NALCN: variants seen among roughly 807,000 people sequenced by gnomAD.
NALCN encodes sodium leak channel, non-selective.
A neutral mutation model predicts 225.3 loss-of-function variants in NALCN; 111 were observed. The ratio of observed to expected loss-of-function variants is 0.49; its 90% CI spans 0.42 to 0.58. The LOEUF is 0.58. Among genes scored for constraint, NALCN ranks in the 20% least tolerant of loss-of-function variants. The pLI is 0.00. For synonymous variants in NALCN, 764 were observed against 769.0 expected (o/e 0.99, Z 0.11); for missense variants, 1,378 against 2,202.4 (o/e 0.63, Z 7.49).
chr13:101,095,471 C>T (rs1594192814), intron 28 of NALCN, 103 bp downstream of exon 28: 1 of 877,276 alleles, frequency 1.1e-6, no homozygotes, highest in Non-Finnish European at 1.7e-6. Flanking sequence ...ATTTTAACAT[C>T]TCTAGCAAAA....
At chr13:101,141,394 G>T (rs2139779214) in intron 17 of NALCN, among the ~76,000 whole-genome samples, 1 of 152,182 alleles carries the variant, frequency 6.6e-6, no homozygotes, top group Non-Finnish European at 1.5e-5. Flanking sequence ...AATGACATTG[G>T]CATCAGACTT....
intron 28 of NALCN, among the ~76,000 whole-genome samples, chr13:101,090,180 T>C (rs2034154629): frequency 6.6e-6 from 1 of 152,198 alleles, no homozygotes; most frequent in African/African-American, 2.4e-5. Context: ...ATTCGTTTGC[T>C]AAATCATAAC....
chr13:101,184,213 C>T (rs1237961261), intron 14 of NALCN, among the ~76,000 whole-genome samples: 2 of 152,170 alleles, frequency 1.3e-5, no homozygotes, highest in Non-Finnish European at 2.9e-5. Flanking sequence ...ACAATGCATT[C>T]AGTGTGGAAA....
At chr13:101,134,184 AC>A (rs773227717) in intron 17 of NALCN, among the ~76,000 whole-genome samples, 3 of 151,470 alleles carry the variant, frequency 2.0e-5, no homozygotes, top group Non-Finnish European at 3.0e-5. Context: ...AAACAAACAA[AC>A]AAAAAAAAAG....
At chr13:101,411,383 G>A (rs571273852) in intron 1 of NALCN, among the ~76,000 whole-genome samples, 95 of 142,836 alleles carry the variant, frequency 6.7e-4, no homozygotes, top group South Asian at 4.0e-3. Context: ...TTGCCCTGTC[G>A]CCCAGGCTGG....
chr13:101,407,092 CCCAAAAT>C (rs2139540220), intron 1 of NALCN, among the ~76,000 whole-genome samples: 1 of 152,272 alleles, frequency 6.6e-6, no homozygotes, highest in East Asian at 1.9e-4. Flanking sequence ...TTCTGTCATA[CCCAAAAT>C]CCAAAGCCCA....
intron 42 of NALCN, chr13:101,058,428 A>T: frequency 1.9e-5 from 3 of 159,560 alleles, no homozygotes; most frequent in South Asian, 3.2e-4. Context: ...GGGCGGGGGC[A>T]GTCTACTGTC....
At chr13:101,093,767 T>C (rs183228331) in intron 28 of NALCN, among the ~76,000 whole-genome samples, 22 of 152,310 alleles carry the variant, frequency 1.4e-4, no homozygotes, top group African/African-American at 3.6e-4. Context: ...CCAGAGCTTT[T>C]TGGTTATTTT....
intron 12 of NALCN, among the ~76,000 whole-genome samples, chr13:101,233,734 CT>C (rs1172163333): frequency 2.6e-5 from 4 of 152,104 alleles, no homozygotes; most frequent in African/African-American, 9.7e-5. Flanking sequence ...CAGTCCTTAT[CT>C]TAGGGCTTGT....
intron 6 of NALCN, among the ~76,000 whole-genome samples, chr13:101,366,310 CA>C (rs759465863): frequency 2.0e-5 from 3 of 152,104 alleles, no homozygotes; most frequent in East Asian, 1.9e-4. Flanking sequence ...AACTAAGTTC[CA>C]TTTAAAAGCA....
chr13:101,401,378 A>T (rs2047474426), intron 1 of NALCN, among the ~76,000 whole-genome samples: 1 of 152,030 alleles, frequency 6.6e-6, no homozygotes, highest in Non-Finnish European at 1.5e-5. Context: ...TCTCCTATCC[A>T]CCCAAATACT....
intron 10 of NALCN, among the ~76,000 whole-genome samples, chr13:101,269,159 C>T (rs922506030): frequency 6.6e-5 from 10 of 150,980 alleles, no homozygotes; most frequent in Non-Finnish European, 1.2e-4. Flanking sequence ...TTAGTTATTC[C>T]GCAACACTTT....
At chr13:101,225,229 A>G (rs906034550) in intron 13 of NALCN, among the ~76,000 whole-genome samples, 3 of 152,180 alleles carry the variant, frequency 2.0e-5, no homozygotes, top group African/African-American at 7.2e-5. Flanking sequence ...TAATTTGCTT[A>G]TCTTCTTTCC....
chr13:101,300,362 CTTT>C (rs2139090528), intron 7 of NALCN, among the ~76,000 whole-genome samples: 1 of 63,206 alleles, frequency 1.6e-5, no homozygotes, highest in Admixed American at 1.8e-4. Context: ...TTCTTTCTTT[CTTT>C]CTTTCCTTCC....
intron 15 of NALCN, among the ~76,000 whole-genome samples, chr13:101,153,644 G>T (rs1209470910): frequency 6.6e-6 from 1 of 152,090 alleles, no homozygotes; most frequent in Non-Finnish European, 1.5e-5. Flanking sequence ...CCCTGCCTCA[G>T]TGGGGCTGCT....
At chr13:101,139,551 C>T (rs1169389437) in intron 17 of NALCN, among the ~76,000 whole-genome samples, 2 of 151,698 alleles carry the variant, frequency 1.3e-5, no homozygotes, top group African/African-American at 4.8e-5. Flanking sequence ...TCTTTCATAC[C>T]AGTCACTGAG....
chr13:101,248,776 T>C (rs1203803270), intron 11 of NALCN, among the ~76,000 whole-genome samples: 4 of 152,326 alleles, frequency 2.6e-5, no homozygotes, highest in African/African-American at 9.6e-5. Flanking sequence ...TGGCTCTGAT[T>C]TGCAACCTTT....
chr13:101,394,453 A>G (rs762717567), intron 3 of NALCN, among the ~76,000 whole-genome samples: 9 of 152,190 alleles, frequency 5.9e-5, no homozygotes, highest in Non-Finnish European at 1.0e-4. Context: ...TCATTTGTCA[A>G]ACTCTAAAAT....
chr13:101,222,993 T>C (rs9513869), intron 13 of NALCN, among the ~76,000 whole-genome samples: 80,377 of 151,848 alleles, frequency 0.53, 21,429 homozygotes, highest in Non-Finnish European at 0.56. Context: ...CTTATTTCCC[T>C]TCATACAACA....
Sources: allele counts gnomAD v4.1 joint callset (sites outside exome capture counted in the v4.1 genomes callset), GRCh38; gene constraint gnomAD v4.1.1; transcripts MANE v1.5; gene names NCBI Gene and HGNC (gene_info 2026-07-23, HGNC 2026-07-21).